PTPRO: variants seen among roughly 807,000 people sequenced by gnomAD.
The protein encoded by PTPRO is protein tyrosine phosphatase receptor type O.
Under a neutral mutation model 145.2 loss-of-function variants are expected in PTPRO, and 62 were observed. The ratio of observed to expected loss-of-function variants is 0.43; its 90% CI spans 0.35 to 0.53. The LOEUF is 0.53. Ranked by LOEUF, PTPRO falls within the 20% of genes least tolerant of loss-of-function variation. PTPRO has a pLI of 0.01. For synonymous variants in PTPRO, 565 were observed against 514.7 expected (o/e 1.10, Z -1.32); for missense variants, 1,345 against 1,482.7 (o/e 0.91, Z 1.53).
chr12:15,589,433 C>T, intron 24 of PTPRO, 22 bp from the exon 25 acceptor site: 1 of 1,613,608 alleles, frequency 6.2e-7, no homozygotes, highest in Non-Finnish European at 8.5e-7. Context: ...GAATAATATG[C>T]CATCGGAACA....
chr12:15,389,291 T>G (rs1420128929), intron 1 of PTPRO, among the ~76,000 whole-genome samples: 1 of 151,920 alleles, frequency 6.6e-6, no homozygotes, highest in Non-Finnish European at 1.5e-5. Flanking sequence ...GTATTTTTAG[T>G]AGAGACGGGG....
chr12:15,512,401 C>A (rs1942460983), intron 7 of PTPRO, among the ~76,000 whole-genome samples: 1 of 152,122 alleles, frequency 6.6e-6, no homozygotes, highest in South Asian at 2.1e-4. Flanking sequence ...AGGCGTGAGC[C>A]ACTGCGCCCA....
At chr12:15,492,384 T>G (rs1254467875) in intron 2 of PTPRO, among the ~76,000 whole-genome samples, 1 of 152,032 alleles carries the variant, frequency 6.6e-6, no homozygotes. Context: ...AAGAACCACC[T>G]CCAGTTTTTG....
At chr12:15,381,183 G>C (rs1938850915) in intron 1 of PTPRO, among the ~76,000 whole-genome samples, 1 of 152,210 alleles carries the variant, frequency 6.6e-6, no homozygotes, top group East Asian at 1.9e-4. Context: ...AATATTCTCA[G>C]AATACAATTT....
At chr12:15,389,104 ATTTTT>A (rs148751888) in intron 1 of PTPRO, among the ~76,000 whole-genome samples, 1 of 137,744 alleles carries the variant, frequency 7.3e-6, no homozygotes, top group Non-Finnish European at 1.6e-5. Flanking sequence ...TAAATAAAGA[ATTTTT>A]TTTTTTTTTT....
At chr12:15,530,618 T>C (rs1942942667) in intron 12 of PTPRO, among the ~76,000 whole-genome samples, 1 of 152,272 alleles carries the variant, frequency 6.6e-6, no homozygotes, top group African/African-American at 2.4e-5. Flanking sequence ...AACATGTTCC[T>C]GAACAACCAA....
intron 7 of PTPRO, among the ~76,000 whole-genome samples, chr12:15,511,651 C>T (rs1425221655): frequency 1.3e-5 from 2 of 152,146 alleles, no homozygotes; most frequent in East Asian, 1.9e-4. Flanking sequence ...CTGCAACTTC[C>T]GCCTCCTGGG....
In PTPRO at chr12:15,484,002, A is replaced by G; in HGVS notation, c.104A>G (p.Gln35Arg). The stretch of plus-strand genomic sequence containing the variant: ...GCTACAGCTTTCCATGTAACTGTCC[A>G]AGATGATAATAACATCGTTGTCTCA... ...KNATAFHVTV[Q>R]DDNNIVVSLE... is the part of the protein sequence containing the mutation. The change falls in exon 2 of 27, where the codon CAA (glutamine) becomes CGA (arginine). Residue 35 changes from glutamine (Q) to arginine (R), a missense_variant. Around this residue, in one of 3 missense-constraint regions of PTPRO, gnomAD observed 1,130 missense variants for 1,214.7 expected, o/e 0.93. Transcript: ENST00000281171. The G allele has an allele frequency of 6.2e-7, 1 of 1,613,648 alleles. No homozygotes were observed. Among genetic ancestry groups the G allele is most frequent in the Non-Finnish European group, 8.5e-7 (1 of 1,179,592 alleles).
At chr12:15,445,754 G>T (rs1940885570) in intron 1 of PTPRO, among the ~76,000 whole-genome samples, 1 of 152,014 alleles carries the variant, frequency 6.6e-6, no homozygotes, top group South Asian at 2.1e-4. Flanking sequence ...AACTTAAATT[G>T]ACATGGGCTT....
chr12:15,582,406 G>A (rs934519049), intron 23 of PTPRO, among the ~76,000 whole-genome samples: 2 of 152,224 alleles, frequency 1.3e-5, no homozygotes, highest in African/African-American at 4.8e-5. Flanking sequence ...GCTTTGCATT[G>A]CTGCTTCCTT....
At chr12:15,561,065 CT>C in intron 17 of PTPRO, among the ~76,000 whole-genome samples, 1 of 152,178 alleles carries the variant, frequency 6.6e-6, no homozygotes. Flanking sequence ...AGAACTCTTT[CT>C]TTTCCTGTGC....
intron 1 of PTPRO, among the ~76,000 whole-genome samples, chr12:15,446,052 TTACTC>T (rs1319367250): frequency 3.3e-5 from 5 of 152,250 alleles, no homozygotes; most frequent in African/African-American, 1.2e-4. Flanking sequence ...GAACCACTCA[TTACTC>T]TAATGCCTCA....
chr12:15,520,842 T>G (rs1225523095), intron 10 of PTPRO, among the ~76,000 whole-genome samples: 1 of 152,236 alleles, frequency 6.6e-6, no homozygotes, highest in East Asian at 1.9e-4. Flanking sequence ...TAAATATGTT[T>G]TTTTTAATGT....
chr12:15,344,181 C>T (rs572545071), intron 1 of PTPRO, among the ~76,000 whole-genome samples: 1 of 152,292 alleles, frequency 6.6e-6, no homozygotes, highest in Admixed American at 6.5e-5. Flanking sequence ...AATTCTCACA[C>T]TTGAACATTG....
chr12:15,437,875 A>T (rs1171605562), intron 1 of PTPRO, among the ~76,000 whole-genome samples: 1 of 152,196 alleles, frequency 6.6e-6, no homozygotes, highest in Non-Finnish European at 1.5e-5. Flanking sequence ...AGACCTGCCC[A>T]ACTGGTCCCA....
chr12:15,443,706 A>G (rs1046948280), intron 1 of PTPRO, among the ~76,000 whole-genome samples: 1 of 152,180 alleles, frequency 6.6e-6, no homozygotes, highest in South Asian at 2.1e-4. Flanking sequence ...GACACGCCTC[A>G]AAAGAAGACA....
In PTPRO at chr12:15,596,144, C is replaced by G. The variant is rs113024827; in HGVS notation, c.*71C>G. The G allele has an allele frequency of 1.4e-3, 216 of 152,472 alleles. 1 individual carries two copies. Among genetic ancestry groups the G allele is most frequent in the African/African-American group, 4.9e-3 (204 of 41,496 alleles). The allele number at this position is 152,472 out of a possible 1,614,324, so 9.4% of individuals were successfully genotyped here. A position where few individuals can be genotyped will look rare whatever the true frequency, so the allele number is the denominator to read the frequency against. ...TTGCTTCCAGATTGTTTTAGTGGGCCCTGATGGTCATTTTTCTAAACAGAG... is the reference window on the plus strand; with the variant it reads ...TTGCTTCCAGATTGTTTTAGTGGGCGCTGATGGTCATTTTTCTAAACAGAG... On this transcript the variant is annotated 3_prime_UTR_variant, in exon 27 of 27. Transcript: ENST00000281171.
chr12:15,591,581 C>G (rs1944554239), intron 25 of PTPRO, among the ~76,000 whole-genome samples: 1 of 152,116 alleles, frequency 6.6e-6, no homozygotes, highest in Non-Finnish European at 1.5e-5. Context: ...ATGTTTTACC[C>G]TAAATTTTGG....
intron 7 of PTPRO, among the ~76,000 whole-genome samples, chr12:15,511,297 A>G (rs1276358642): frequency 6.6e-6 from 1 of 152,214 alleles, no homozygotes; most frequent in Non-Finnish European, 1.5e-5. Flanking sequence ...CTCCTCCAAC[A>G]CACACCCAAG....
Sources: allele counts gnomAD v4.1 joint callset (sites outside exome capture counted in the v4.1 genomes callset), GRCh38; gene constraint gnomAD v4.1.1; regional missense constraint gnomAD v4.1.1; transcripts MANE v1.5; gene names NCBI Gene and HGNC (gene_info 2026-07-23, HGNC 2026-07-21).